The following SLCO1B3 variants were observed in gnomAD, a reference collection of about 807,000 sequenced individuals.
SLCO1B3 encodes solute carrier organic anion transporter family member 1B3, also known as liver-specific organic anion transporter 2.
In SLCO1B3, 72 loss-of-function variants were observed where a neutral mutation model predicts 71.8. The ratio of observed to expected loss-of-function variants is 1.00; its 90% CI spans 0.83 to 1.22. SLCO1B3 has a LOEUF of 1.22. Ranked by LOEUF, SLCO1B3 falls within the 50% of genes most tolerant of loss-of-function variation. SLCO1B3 has a pLI of 0.00. For synonymous variants in SLCO1B3, 298 were observed against 278.4 expected, an observed-to-expected ratio of 1.07 and a Z score of -0.70; for missense variants, 911 against 819.7, an observed-to-expected ratio of 1.11 and a Z score of -1.36.
intron 1 of SLCO1B3, among the ~76,000 whole-genome samples, chr12:20,812,423 G>A (rs1366303897): frequency 6.6e-6 from 1 of 152,144 alleles, no homozygotes; most frequent in Non-Finnish European, 1.5e-5. Flanking sequence ...TCAACTAGAG[G>A]TAAATAGGGA....
At chr12:20,832,678 C>T (rs2121136033) in intron 3 of SLCO1B3, among the ~76,000 whole-genome samples, 1 of 152,262 alleles carries the variant, frequency 6.6e-6, no homozygotes, top group South Asian at 2.1e-4. Flanking sequence ...ATGCCAAGCA[C>T]ACTTCTGACT....
At chr12:20,812,357 T>G (rs1864123669) in intron 1 of SLCO1B3, among the ~76,000 whole-genome samples, 2 of 151,210 alleles carry the variant, frequency 1.3e-5, no homozygotes, top group African/African-American at 4.9e-5. Context: ...AAAGTAATGA[T>G]TATTCGGGTA....
At chr12:20,897,260 C>A (rs1866030262) in intron 13 of SLCO1B3, among the ~76,000 whole-genome samples, 1 of 152,142 alleles carries the variant, frequency 6.6e-6, no homozygotes. Flanking sequence ...TTAGATTTAA[C>A]TTTCAATGTA....
Position 20,854,999 on chromosome 12 carries a change from A to G in SLCO1B3, c.85-29A>G, listed in dbSNP as rs930988068. On this transcript the variant is annotated intron_variant, in intron 3 of 15. Transcript: ENST00000381545. ...CATTATATAGTTCTTTGATTAACCAATTTTCATTTTTTCTTCTATTGTTTT... is the reference window on the plus strand; with the variant it reads ...CATTATATAGTTCTTTGATTAACCAGTTTTCATTTTTTCTTCTATTGTTTT... 2.5e-6 allele frequency: 4 copies of G among 1,599,198 alleles called. No individual in the cohort carries two copies. Among genetic ancestry groups the G allele is most frequent in the African/African-American group, 1.4e-5 (1 of 73,924 alleles).
chr12:20,885,591 T>C (rs144870245), intron 13 of SLCO1B3, among the ~76,000 whole-genome samples: 2 of 152,018 alleles, frequency 1.3e-5, no homozygotes, highest in East Asian at 1.9e-4. Flanking sequence ...GTGAAAGTTA[T>C]ATGACAAGAG....
chr12:20,835,687 G>A (rs183425813), intron 3 of SLCO1B3, among the ~76,000 whole-genome samples: 115 of 152,240 alleles, frequency 7.6e-4, no homozygotes, highest in African/African-American at 2.7e-3. Context: ...CATTCAACAA[G>A]TCTCTTGGAA....
intron 3 of SLCO1B3, among the ~76,000 whole-genome samples, chr12:20,828,112 G>T (rs2121117630): frequency 6.6e-6 from 1 of 152,100 alleles, no homozygotes; most frequent in East Asian, 1.9e-4. Flanking sequence ...TCTTTTAATT[G>T]GATCTCTGAG....
rs148029725 is a variant in SLCO1B3 at position 20,862,511 on chromosome 12, C to A, written c.581C>A (p.Ser194Ter). 1.2e-6 allele frequency: 2 copies of A among 1,612,120 alleles called. No homozygotes were observed. The highest frequency in any genetic ancestry group is 8.5e-7 in the Non-Finnish European group (1 of 1,178,944). Residue 194 changes from serine to a stop codon, truncating the protein, a stop_gained, in exon 7 of 16, where the codon TCA (serine) becomes TAA (stop). Transcript: ENST00000381545. LOFTEE classifies it high-confidence loss of function. ...GETPIVPLGI[S>*]YIDDFAKEGH... ...ACCCCCATAGTACCATTGGGGATTT[C>A]ATACATTGATGATTTTGCAAAAGAA...
At chr12:20,914,787 T>A (rs1866460089) in intron 15 of SLCO1B3, among the ~76,000 whole-genome samples, 1 of 152,154 alleles carries the variant, frequency 6.6e-6, no homozygotes, top group Non-Finnish European at 1.5e-5. Context: ...TGGTACAGAA[T>A]TTTTAAGTTG....
At chr12:20,833,216 A>G (rs1452171339) in intron 3 of SLCO1B3, among the ~76,000 whole-genome samples, 5 of 152,038 alleles carry the variant, frequency 3.3e-5, no homozygotes, top group East Asian at 1.9e-4. Flanking sequence ...GGTCAAGTCA[A>G]TCTCTTTGTT....
intron 8 of SLCO1B3, among the ~76,000 whole-genome samples, chr12:20,867,932 G>A (rs1010836160): frequency 1.3e-5 from 2 of 152,058 alleles, no homozygotes; most frequent in East Asian, 1.9e-4. Flanking sequence ...CTACCCTAGA[G>A]AAAGCAAGAA....
intron 14 of SLCO1B3, among the ~76,000 whole-genome samples, chr12:20,900,417 G>T (rs914235855): frequency 6.6e-6 from 1 of 152,142 alleles, no homozygotes; most frequent in Non-Finnish European, 1.5e-5. Flanking sequence ...CCATCTGAAT[G>T]ATAGCTCTCT....
At chr12:20,908,575 A>T (rs1866302807) in intron 15 of SLCO1B3, among the ~76,000 whole-genome samples, 1 of 152,188 alleles carries the variant, frequency 6.6e-6, no homozygotes, top group South Asian at 2.1e-4. Context: ...CCTAGAAACC[A>T]ATAGTCTCTT....
chr12:20,898,412 T>G (rs1260318060), intron 13 of SLCO1B3, 24 bp from the exon 14 acceptor site: 2 of 1,504,792 alleles, frequency 1.3e-6, no homozygotes. Context: ...CATGTATTAT[T>G]TCTTTGCCTT....
chr12:20,869,689 C>T (rs6487164), intron 8 of SLCO1B3, among the ~76,000 whole-genome samples: 110,091 of 151,964 alleles, frequency 0.72, 42,473 homozygotes, highest in South Asian at 0.9. Context: ...GGGTGAATAG[C>T]ATTTCATTAT....
At chr12:20,900,731 T>C (rs1308720803) in intron 14 of SLCO1B3, among the ~76,000 whole-genome samples, 1 of 152,166 alleles carries the variant, frequency 6.6e-6, no homozygotes, top group Non-Finnish European at 1.5e-5. Context: ...TGCTGAATTG[T>C]GGGCTCTGAT....
At chr12:20,825,961 G>T (rs531788371) in intron 3 of SLCO1B3, among the ~76,000 whole-genome samples, 1 of 151,766 alleles carries the variant, frequency 6.6e-6, no homozygotes, top group African/African-American at 2.4e-5. Context: ...TAAGAATAAC[G>T]AATTATTTTG....
chr12:20,820,756 G>A (rs529115065), intron 3 of SLCO1B3, among the ~76,000 whole-genome samples: 29 of 151,842 alleles, frequency 1.9e-4, no homozygotes, highest in Admixed American at 5.3e-4. Flanking sequence ...GTCTAGGGCT[G>A]TAAAGCATCT....
At chr12:20,862,625 CATT>C (rs1414671054) in intron 7 of SLCO1B3, 67 bp downstream of exon 7, 1 of 1,485,982 alleles carries the variant, frequency 6.7e-7, no homozygotes, top group Non-Finnish European at 9.2e-7. Flanking sequence ...ATAATAATGT[CATT>C]ATTTTTTTCT....
Sources: gnomAD v4.1 joint callset for allele counts (sites outside exome capture counted in the v4.1 genomes callset) on GRCh38, gnomAD v4.1.1 for gene constraint, MANE v1.5 for transcripts, NCBI Gene and HGNC (gene_info 2026-07-23, HGNC 2026-07-21) for gene names.